The following GALNT13 variants were observed in gnomAD, a reference collection of about 807,000 sequenced individuals.
GALNT13 encodes the protein UDP-GalNAc:polypeptide N-acetylgalactosaminyltransferase 13.
Under a neutral mutation model 64.2 loss-of-function variants are expected in GALNT13, and 28 were observed. The ratio of observed to expected loss-of-function variants is 0.44; its 90% confidence interval spans 0.32 to 0.60. The LOEUF (loss-of-function observed/expected upper bound fraction) is 0.60. Ranked by LOEUF, GALNT13 falls within the 20% of genes least tolerant of loss-of-function variation. The probability of loss-of-function intolerance (pLI) is 0.05; values close to 1 mark genes in which losing one functional copy is unlikely to be tolerated. For synonymous variants in GALNT13, 214 were observed against 224.6 expected, an observed-to-expected ratio of 0.95 and a Z score of 0.42; for missense variants, 577 against 669.8, an observed-to-expected ratio of 0.86 and a Z score of 1.53.
chr2:153,261,198 G>A, the GALNT13 span, among the ~76,000 whole-genome samples: 1 of 152,036 alleles, frequency 6.6e-6, no homozygotes, highest in Admixed American at 6.6e-5. Flanking sequence ...TTTGAGATTG[G>A]ACATTGGTAT....
intron 4 of GALNT13, among the ~76,000 whole-genome samples, chr2:154,225,696 G>A (rs935198119): frequency 1.5e-4 from 23 of 152,026 alleles, no homozygotes; most frequent in South Asian, 2.1e-4. Context: ...ATAGTTTTAC[G>A]TGATATGGAA....
At chr2:153,259,273 A>G in the GALNT13 span, among the ~76,000 whole-genome samples, 1 of 149,810 alleles carries the variant, frequency 6.7e-6, no homozygotes. Flanking sequence ...CATTGTCATA[A>G]AATATCTCTT....
chr2:153,467,229 T>C, the GALNT13 span, among the ~76,000 whole-genome samples: 1 of 152,034 alleles, frequency 6.6e-6, no homozygotes, highest in East Asian at 1.9e-4. Flanking sequence ...TAAGGGGCTA[T>C]ATAATTGGAC....
the GALNT13 span, among the ~76,000 whole-genome samples, chr2:153,536,399 G>C: frequency 3.5e-3 from 526 of 152,282 alleles, 4 homozygotes; most frequent in African/African-American, 0.012. Context: ...CCAATCTGGA[G>C]GAGGAGGGCA....
At position 153,994,440 on chromosome 2, in the gene GALNT13, G is replaced by A. The variant is rs947509473; in HGVS notation, c.142+49801G>A. Among the ~76,000 whole-genome samples the A allele has an allele frequency of 3.3e-5, 5 of 152,188 alleles. 1 individual carries two copies. The highest frequency in any genetic ancestry group is 4.1e-4 in the South Asian group (2 of 4,828). ...CCTTTGGGTGTATACCCAGTAATGG[G>A]ATGGCTGGGTGAAATGGTATTTCTT... On this transcript the variant is annotated intron_variant, in intron 3 of 12. Coordinates refer to ENST00000392825, the MANE Select transcript of GALNT13 (RefSeq NM_052917.4).
At chr2:153,655,443 GT>G in the GALNT13 span, among the ~76,000 whole-genome samples, 3 of 152,020 alleles carry the variant, frequency 2.0e-5, no homozygotes, top group East Asian at 3.9e-4. Context: ...ATTTATGGAG[GT>G]TTTTGGCAAA....
the GALNT13 span, among the ~76,000 whole-genome samples, chr2:153,155,994 A>C: frequency 5.3e-5 from 8 of 152,176 alleles, no homozygotes; most frequent in African/African-American, 1.4e-4. Flanking sequence ...TTATTTACCC[A>C]AAAGTCATTC....
At chr2:154,447,752 A>G (rs1318618466) in intron 12 of GALNT13, among the ~76,000 whole-genome samples, 1 of 152,006 alleles carries the variant, frequency 6.6e-6, no homozygotes. Flanking sequence ...AGCCAAAGAC[A>G]TTCCAAATGT....
chr2:153,124,260 A>G, the GALNT13 span, among the ~76,000 whole-genome samples: 1 of 152,128 alleles, frequency 6.6e-6, no homozygotes, highest in Admixed American at 6.5e-5. Flanking sequence ...CAAAATCTTC[A>G]CTGTATTCTT....
chr2:153,481,629 G>C, the GALNT13 span, among the ~76,000 whole-genome samples: 1 of 152,098 alleles, frequency 6.6e-6, no homozygotes, highest in Non-Finnish European at 1.5e-5. Context: ...TTTTATGAGA[G>C]TTAAAGGCCC....
At chr2:153,308,185 G>A in the GALNT13 span, among the ~76,000 whole-genome samples, 4 of 152,110 alleles carry the variant, frequency 2.6e-5, no homozygotes, top group East Asian at 7.7e-4. Flanking sequence ...ATAAAACCTA[G>A]ACTTATCTTT....
chr2:153,334,493 A>T, the GALNT13 span, among the ~76,000 whole-genome samples: 1 of 152,166 alleles, frequency 6.6e-6, no homozygotes, highest in South Asian at 2.1e-4. Context: ...AAGGGCTTTT[A>T]CTTATTGATT....
intron 12 of GALNT13, among the ~76,000 whole-genome samples, chr2:154,446,064 G>C (rs905710242): frequency 1.3e-5 from 2 of 151,998 alleles, no homozygotes; most frequent in African/African-American, 4.8e-5. Context: ...GGTTAGCCTT[G>C]TAAAAACATA....
the GALNT13 span, among the ~76,000 whole-genome samples, chr2:153,704,853 A>G: frequency 6.6e-6 from 1 of 152,190 alleles, no homozygotes; most frequent in Non-Finnish European, 1.5e-5. Flanking sequence ...CATTTCCAAT[A>G]TTTTTAATAA....
At chr2:154,280,876 T>C (rs1691926550) in intron 8 of GALNT13, among the ~76,000 whole-genome samples, 1 of 152,172 alleles carries the variant, frequency 6.6e-6, no homozygotes, top group Admixed American at 6.5e-5. Flanking sequence ...CTACATATCA[T>C]TTAAGAAATC....
the GALNT13 span, among the ~76,000 whole-genome samples, chr2:153,578,595 C>T: frequency 1.2e-4 from 18 of 152,250 alleles, 1 homozygote; most frequent in African/African-American, 4.3e-4. Flanking sequence ...AGGCACAAAG[C>T]CAGTAGCTTT....
chr2:153,216,149 T>C, the GALNT13 span, among the ~76,000 whole-genome samples: 14 of 152,066 alleles, frequency 9.2e-5, no homozygotes, highest in Non-Finnish European at 1.2e-4. Flanking sequence ...GTTGTGTGAA[T>C]CAATATTTCA....
chr2:153,515,788 A>G, the GALNT13 span, among the ~76,000 whole-genome samples: 2 of 152,138 alleles, frequency 1.3e-5, no homozygotes, highest in Non-Finnish European at 2.9e-5. Context: ...GTTCCCTGCT[A>G]AGAGAATGTT....
the GALNT13 span, among the ~76,000 whole-genome samples, chr2:153,687,287 T>A: frequency 4.6e-5 from 7 of 151,960 alleles, no homozygotes; most frequent in Non-Finnish European, 5.9e-5. Flanking sequence ...TTTTTTTGGT[T>A]GATAAGCTAT....
Sources: gnomAD v4.1 joint callset for allele counts (sites outside exome capture counted in the v4.1 genomes callset) on GRCh38, gnomAD v4.1.1 for gene constraint, MANE v1.5 for transcripts, NCBI Gene and HGNC (gene_info 2026-07-23, HGNC 2026-07-21) for gene names.